The following LANCL2 variants were observed in gnomAD, a reference collection of about 807,000 sequenced individuals.
LANCL2 encodes lanC-like protein 2.
In LANCL2, 33 loss-of-function variants were observed where a neutral mutation model predicts 56.9. The observed-to-expected ratio is 0.58, with a 90% CI of 0.44 to 0.78. LANCL2 has a LOEUF of 0.78. LANCL2 is among the 30% of genes least tolerant of loss of function. The pLI is 0.00. For synonymous variants in LANCL2, 233 were observed against 228.2 expected, an observed-to-expected ratio of 1.02 and a Z score of -0.19; for missense variants, 562 against 580.2, an observed-to-expected ratio of 0.97 and a Z score of 0.32.
chr7:55,376,036 C>T lies in LANCL2; in HGVS notation c.204+9807C>T, dbSNP rs890384400. Among the ~76,000 whole-genome samples, 9 of 152,272 alleles carry T rather than the reference C, an allele frequency of 5.9e-5. No homozygotes were observed. In the South Asian group the frequency reaches 8.3e-4, roughly 14 times the overall value. ...TGGGCTCATGGGATTAGATGGGCCC[C>T]GCTTGGATAATCCAGCATCCTCTCC... On this transcript the variant is annotated intron_variant, in intron 1 of 8. Transcript: ENST00000254770.
At chr7:55,415,404 T>C (rs1790516889) in intron 6 of LANCL2, among the ~76,000 whole-genome samples, 4 of 152,194 alleles carry the variant, frequency 2.6e-5, no homozygotes, top group Admixed American at 2.6e-4. Context: ...CCAACTATTG[T>C]ATATATGTCA....
chr7:55,403,899 C>T (rs1163271791), intron 5 of LANCL2, among the ~76,000 whole-genome samples: 1 of 152,052 alleles, frequency 6.6e-6, no homozygotes, highest in Non-Finnish European at 1.5e-5. Context: ...TGCTTGTCTT[C>T]CTGTTAATTG....
intron 5 of LANCL2, among the ~76,000 whole-genome samples, chr7:55,403,170 C>T (rs574071446): frequency 4.7e-4 from 71 of 152,388 alleles, no homozygotes; most frequent in African/African-American, 1.7e-3. Context: ...AGTGAGTGAA[C>T]GCGACTCCGT....
intron 5 of LANCL2, among the ~76,000 whole-genome samples, chr7:55,407,418 A>G (rs965877273): frequency 6.6e-6 from 1 of 152,220 alleles, no homozygotes; most frequent in African/African-American, 2.4e-5. Context: ...TAAAAGTTTC[A>G]TAAGTACAGG....
intron 5 of LANCL2, among the ~76,000 whole-genome samples, chr7:55,402,546 C>T (rs1402653786): frequency 1.6e-4 from 21 of 133,930 alleles, no homozygotes; most frequent in African/African-American, 3.5e-4. Context: ...GCTTGCCGGG[C>T]GGGGGGCTGA....
intron 1 of LANCL2, among the ~76,000 whole-genome samples, chr7:55,377,576 G>A (rs981491051): frequency 6.6e-6 from 1 of 152,058 alleles, no homozygotes; most frequent in Non-Finnish European, 1.5e-5. Context: ...GTGAGGAAGA[G>A]AAATAAATCT....
intron 2 of LANCL2, among the ~76,000 whole-genome samples, chr7:55,393,031 T>C (rs1279924451): frequency 1.3e-5 from 2 of 152,224 alleles, no homozygotes; most frequent in Non-Finnish European, 2.9e-5. Flanking sequence ...CATCAAAAAA[T>C]GTAATTGAAA....
chr7:55,371,624 G>C (rs866595746), intron 1 of LANCL2, among the ~76,000 whole-genome samples: 1 of 152,118 alleles, frequency 6.6e-6, no homozygotes, highest in Non-Finnish European at 1.5e-5. Flanking sequence ...GTGTCCAGGA[G>C]CTTTTCCCCA....
intron 1 of LANCL2, among the ~76,000 whole-genome samples, chr7:55,384,067 C>G (rs1790098519): frequency 6.6e-6 from 1 of 151,582 alleles, no homozygotes; most frequent in Non-Finnish European, 1.5e-5. Context: ...TAGAAATTAT[C>G]CAGTGTGCAA....
intron 5 of LANCL2, 136 bp from the exon 6 acceptor site, chr7:55,411,771 C>G (rs1009049581): frequency 1.2e-6 from 1 of 851,002 alleles, no homozygotes; most frequent in African/African-American, 1.7e-5. Flanking sequence ...TCTTAAATAA[C>G]CAGATAGTTG....
intron 6 of LANCL2, among the ~76,000 whole-genome samples, chr7:55,418,954 T>C (rs1790575969): frequency 6.6e-6 from 1 of 152,170 alleles, no homozygotes; most frequent in Non-Finnish European, 1.5e-5. Flanking sequence ...CAACCTTGCA[T>C]TCCTAGTATA....
intron 1 of LANCL2, among the ~76,000 whole-genome samples, chr7:55,380,920 G>C (rs1442090406): frequency 6.8e-6 from 1 of 146,260 alleles, no homozygotes; most frequent in Non-Finnish European, 1.5e-5. Context: ...CGCCCAGGCT[G>C]GATTGCAGTG....
chr7:55,403,762 G>C (rs1026413149), intron 5 of LANCL2, among the ~76,000 whole-genome samples: 3 of 151,740 alleles, frequency 2.0e-5, no homozygotes, highest in African/African-American at 7.3e-5. Flanking sequence ...AGTAGAGACG[G>C]GGTTTCACCA....
At chr7:55,366,387 C>A (rs1226299351) in intron 1 of LANCL2, among the ~76,000 whole-genome samples, 158 bp downstream of exon 1, 1 of 152,258 alleles carries the variant, frequency 6.6e-6, no homozygotes, top group Non-Finnish European at 1.5e-5. Context: ...CGATGAGCCG[C>A]GCTTAGGGTC....
At chr7:55,398,733 G>A in intron 3 of LANCL2, 103 bp downstream of exon 3, 1 of 869,892 alleles carries the variant, frequency 1.1e-6, no homozygotes, top group Non-Finnish European at 1.9e-6. Flanking sequence ...ATCCATTGTT[G>A]TAAACAGATC....
At chr7:55,397,957 T>C (rs1418353879) in intron 2 of LANCL2, among the ~76,000 whole-genome samples, 1 of 150,220 alleles carries the variant, frequency 6.7e-6, no homozygotes, top group Non-Finnish European at 1.5e-5. Context: ...TTGGGAAAAA[T>C]AGAAAAAAAA....
intron 7 of LANCL2, 24 bp downstream of exon 7, chr7:55,425,454 G>A: frequency 6.2e-7 from 1 of 1,609,870 alleles, no homozygotes; most frequent in Non-Finnish European, 8.5e-7. Flanking sequence ...TGTTGGAACT[G>A]CTTCTGAACA....
chr7:55,395,895 G>A (rs866523097), intron 2 of LANCL2, among the ~76,000 whole-genome samples: 5 of 152,202 alleles, frequency 3.3e-5, no homozygotes, highest in South Asian at 4.1e-4. Flanking sequence ...CAGATATAGA[G>A]GTGCTCACAC....
At position 55,365,711 on chromosome 7, in the gene LANCL2, A is replaced by C; in HGVS notation, c.-315A>C. ...GGACGGGCTCTGCGGGCCACGGGGAAGGTGCGAGGAGGCGCGAGCAGGCTG... is the reference window on the plus strand; with the variant it reads ...GGACGGGCTCTGCGGGCCACGGGGACGGTGCGAGGAGGCGCGAGCAGGCTG... On this transcript the variant is annotated 5_prime_UTR_variant, in exon 1 of 9. Coordinates refer to ENST00000254770, the MANE Select transcript of LANCL2 (RefSeq NM_018697.4). 21 of 234,630 alleles carry C rather than the reference A, an allele frequency of 9.0e-5. No individual in the cohort carries two copies. Among genetic ancestry groups the C allele is most frequent in the Non-Finnish European group, 1.5e-4 (18 of 121,152 alleles). 14.5% of individuals were successfully genotyped at this position (234,630 alleles called of 1,614,324 possible).
Sources: allele counts gnomAD v4.1 joint callset (sites outside exome capture counted in the v4.1 genomes callset), GRCh38; gene constraint gnomAD v4.1.1; transcripts MANE v1.5; gene names NCBI Gene and HGNC (gene_info 2026-07-23, HGNC 2026-07-21).